CDH12: variants seen among roughly 807,000 people sequenced by gnomAD.
CDH12 encodes cadherin 12, also known as cadherin-12.
A neutral mutation model predicts 74.1 loss-of-function variants in CDH12; 41 were observed. The observed-to-expected ratio is 0.55, with a 90% confidence interval of 0.43 to 0.72. The LOEUF is 0.72. Among genes scored for constraint, CDH12 ranks in the 30% least tolerant of loss-of-function variants. CDH12 has a pLI of 0.00. For synonymous variants in CDH12, 399 were observed against 355.0 expected (o/e 1.12, Z -1.39); for missense variants, 945 against 977.2 (o/e 0.97, Z 0.44).
chr5:21,875,707 C>T (rs1315533508), intron 6 of CDH12, among the ~76,000 whole-genome samples: 5 of 101,248 alleles, frequency 4.9e-5, no homozygotes, highest in Non-Finnish European at 8.7e-5. Flanking sequence ...TGTCATGCTT[C>T]TGTAGAATGC....
chr5:21,795,179 A>G (rs894904762), intron 10 of CDH12, among the ~76,000 whole-genome samples: 2 of 149,616 alleles, frequency 1.3e-5, no homozygotes, highest in African/African-American at 4.9e-5. Context: ...TTGCAAAGCT[A>G]CAGGATCATA....
chr5:22,599,997 T>C (rs535601762), intron 1 of CDH12, among the ~76,000 whole-genome samples: 55 of 152,216 alleles, frequency 3.6e-4, no homozygotes, highest in Admixed American at 1.4e-3. Flanking sequence ...GAGCACACTA[T>C]TAAAATACTT....
At chr5:22,593,498 C>T (rs1736446427) in intron 1 of CDH12, among the ~76,000 whole-genome samples, 1 of 152,014 alleles carries the variant, frequency 6.6e-6, no homozygotes, top group Non-Finnish European at 1.5e-5. Flanking sequence ...CTTATCCTTC[C>T]AATTTTACAT....
chr5:22,063,761 A>C (rs534984376), intron 5 of CDH12, among the ~76,000 whole-genome samples: 2 of 151,956 alleles, frequency 1.3e-5, no homozygotes, highest in East Asian at 3.9e-4. Flanking sequence ...AGTAAAACAG[A>C]TTAGATGGGC....
intron 4 of CDH12, among the ~76,000 whole-genome samples, chr5:22,173,226 T>C (rs1341863357): frequency 6.7e-6 from 1 of 148,258 alleles, no homozygotes; most frequent in East Asian, 1.9e-4. Flanking sequence ...TAATTACATA[T>C]ATATGATTTG....
At chr5:22,129,112 T>A (rs550517795) in intron 4 of CDH12, among the ~76,000 whole-genome samples, 108 of 152,270 alleles carry the variant, frequency 7.1e-4, no homozygotes, top group Non-Finnish European at 1.4e-3. Flanking sequence ...ACAAAGATTG[T>A]CATGAACAAA....
At chr5:22,439,303 C>G (rs894906495) in intron 2 of CDH12, among the ~76,000 whole-genome samples, 2 of 151,952 alleles carry the variant, frequency 1.3e-5, no homozygotes, top group Non-Finnish European at 2.9e-5. Context: ...ACTTTGCTCT[C>G]TACATTTAAA....
chr5:22,093,535 A>G (rs780976852), intron 4 of CDH12, among the ~76,000 whole-genome samples: 15 of 152,234 alleles, frequency 9.9e-5, no homozygotes, highest in Admixed American at 5.2e-4. Context: ...TACATATTAT[A>G]TGATTGTTAT....
At chr5:22,679,650 A>G (rs1364666997) in intron 1 of CDH12, among the ~76,000 whole-genome samples, 1 of 152,110 alleles carries the variant, frequency 6.6e-6, no homozygotes, top group Non-Finnish European at 1.5e-5. Context: ...TTTAATTCAC[A>G]TTTTAATTTA....
chr5:22,565,710 G>A (rs1739251661), intron 1 of CDH12, among the ~76,000 whole-genome samples: 1 of 152,044 alleles, frequency 6.6e-6, no homozygotes, highest in Admixed American at 6.5e-5. Context: ...GTGCCTCAGA[G>A]ACAGTAAAAG....
At chr5:22,718,032 T>G (rs1273972780) in intron 1 of CDH12, among the ~76,000 whole-genome samples, 1 of 152,214 alleles carries the variant, frequency 6.6e-6, no homozygotes, top group Admixed American at 6.5e-5. Context: ...GCTTTCATAT[T>G]CTGTGTGCCT....
chr5:21,852,932 C>T (rs1750549662), intron 7 of CDH12, among the ~76,000 whole-genome samples: 2 of 151,322 alleles, frequency 1.3e-5, no homozygotes, highest in African/African-American at 4.8e-5. Flanking sequence ...AAAAAAATAA[C>T]CCATAGTGGC....
At chr5:22,018,109 G>T (rs1561024471) in intron 5 of CDH12, among the ~76,000 whole-genome samples, 1 of 151,998 alleles carries the variant, frequency 6.6e-6, no homozygotes, top group East Asian at 1.9e-4. Context: ...TGGATATTAA[G>T]AAACAATAAT....
chr5:22,260,959 T>A (rs542123592), intron 3 of CDH12, among the ~76,000 whole-genome samples: 1 of 152,040 alleles, frequency 6.6e-6, no homozygotes, highest in African/African-American at 2.4e-5. Context: ...CCCATTTCAG[T>A]TATACATATT....
At chr5:21,860,912 C>T (rs13154871) in intron 6 of CDH12, among the ~76,000 whole-genome samples, 11,086 of 152,018 alleles carry the variant, frequency 0.073, 496 homozygotes, top group East Asian at 0.15. Context: ...TCTTGTGAAT[C>T]AATACTCCTT....
chr5:22,564,167 T>G (rs1359579780), intron 1 of CDH12, among the ~76,000 whole-genome samples: 1 of 152,236 alleles, frequency 6.6e-6, no homozygotes, highest in East Asian at 1.9e-4. Flanking sequence ...CATTATTGTC[T>G]TATAAAAATA....
At chr5:22,646,100 A>C (rs1739419358) in intron 1 of CDH12, among the ~76,000 whole-genome samples, 1 of 151,894 alleles carries the variant, frequency 6.6e-6, no homozygotes, top group South Asian at 2.1e-4. Context: ...TAAAGGAAAC[A>C]ATAGGCTGCC....
chr5:22,820,138 C>T (rs1205177228), intron 1 of CDH12, among the ~76,000 whole-genome samples: 2 of 150,598 alleles, frequency 1.3e-5, no homozygotes, highest in Non-Finnish European at 3.0e-5. Flanking sequence ...AAATTATATC[C>T]AATGCTTCAC....
intron 1 of CDH12, among the ~76,000 whole-genome samples, chr5:22,672,091 TATATA>T (rs1364663131): frequency 2.9e-4 from 33 of 114,104 alleles, no homozygotes; most frequent in Non-Finnish European, 4.0e-4. Flanking sequence ...TAAATAATTA[TATATA>T]ATATATTATT....
Sources: allele counts gnomAD v4.1 joint callset (sites outside exome capture counted in the v4.1 genomes callset), GRCh38; gene constraint gnomAD v4.1.1; transcripts MANE v1.5; gene names NCBI Gene and HGNC (gene_info 2026-07-23, HGNC 2026-07-21).